PLD3: variants seen among roughly 807,000 people sequenced by gnomAD.
PLD3 encodes 5'-3' exonuclease PLD3.
Under a neutral mutation model 58.4 loss-of-function variants are expected in PLD3, and 31 were observed. The ratio of observed to expected loss-of-function variants is 0.53; its 90% CI spans 0.40 to 0.72. The LOEUF is 0.72. Ranked by LOEUF, PLD3 falls within the 30% of genes least tolerant of loss-of-function variation. The pLI is 0.00. For synonymous variants in PLD3, 264 were observed against 273.4 expected (o/e 0.97, Z 0.34); for missense variants, 595 against 659.8 (o/e 0.90, Z 1.08).
In PLD3 at chr19:40,349,101, C is replaced by T. The variant is rs559495346; in HGVS notation, c.-279+333C>T. 2.2e-3 allele frequency among the ~76,000 whole-genome samples: 329 copies of T among 152,172 alleles called. 1 individual carries two copies. The highest frequency in any genetic ancestry group is 3.9e-3 in the Non-Finnish European group (266 of 68,010). ...CCTCTTTGCCACCATAGGTCGTAAT[C>T]GCTCCCTTTAAATTCGTCATCGCCA... On this transcript the variant is annotated intron_variant, in intron 1 of 12. Transcript: ENST00000409735.
chr19:40,368,470 A>T (rs987634119), intron 6 of PLD3, among the ~76,000 whole-genome samples: 18 of 152,198 alleles, frequency 1.2e-4, no homozygotes, highest in African/African-American at 4.3e-4. Flanking sequence ...TTTGAAAAGG[A>T]ACAGCCTACA....
intron 6 of PLD3, 129 bp from the exon 7 acceptor site, chr19:40,369,779 T>C (rs921586448): frequency 1.3e-6 from 1 of 792,418 alleles, no homozygotes; most frequent in African/African-American, 1.7e-5. Flanking sequence ...GTAAAGTCTT[T>C]AATCTATGCA....
At chr19:40,366,978 A>G in intron 5 of PLD3, 63 bp downstream of exon 5, 1 of 1,519,400 alleles carries the variant, frequency 6.6e-7, no homozygotes. Flanking sequence ...ACTTAAGCAC[A>G]CACTAAACAG....
intron 7 of PLD3, 23 bp downstream of exon 7, chr19:40,370,051 C>G: frequency 4.5e-6 from 7 of 1,570,270 alleles, no homozygotes; most frequent in Non-Finnish European, 6.0e-6. Context: ...CCAACTGGGG[C>G]TGGTCTGGGC....
At chr19:40,372,710 A>G (rs922942183) in intron 9 of PLD3, among the ~76,000 whole-genome samples, 1 of 151,320 alleles carries the variant, frequency 6.6e-6, no homozygotes. Flanking sequence ...CCATTTCTAC[A>G]AAAACATAAT....
intron 9 of PLD3, 55 bp from the exon 10 acceptor site, chr19:40,374,426 C>T (rs569622473): frequency 4.6e-5 from 73 of 1,596,052 alleles, no homozygotes; most frequent in South Asian, 4.3e-4. Flanking sequence ...ATGTGGGGTC[C>T]GTTGTGACGA....
In PLD3 at chr19:40,371,427, T is replaced by C. The variant is rs2079064639; in HGVS notation, c.679-246T>C. The C allele has an allele frequency of 5.8e-6, 3 of 518,708 alleles. No individual in the cohort carries two copies. In the Admixed American group the frequency reaches 9.5e-5, roughly 16 times the overall value. 32.1% of individuals were successfully genotyped at this position (518,708 alleles called of 1,614,324 possible). ...ATGTCAGCCTAGACCTAAGAATGAGTAGAAGCTAGCTCAGTGGAGGGTAGA... is the reference window on the plus strand; with the variant it reads ...ATGTCAGCCTAGACCTAAGAATGAGCAGAAGCTAGCTCAGTGGAGGGTAGA... On this transcript the variant is annotated intron_variant, in intron 8 of 12. Coordinates refer to ENST00000409735, the MANE Select transcript of PLD3 (RefSeq NM_012268.4).
At chr19:40,367,955 GT>G in intron 6 of PLD3, 76 bp downstream of exon 6, 1 of 1,271,796 alleles carries the variant, frequency 7.9e-7, no homozygotes, top group Non-Finnish European at 1.1e-6. Context: ...GAATGAAGGG[GT>G]TTCTCCTGCA....
In PLD3 at chr19:40,357,166, G is replaced by T. The variant is rs569655302; in HGVS notation, c.-279+8398G>T. The T allele has an allele frequency of 2.0e-5, 3 of 152,320 alleles. No individual in the cohort carries two copies. The East Asian group carries it at 5.8e-4, about 29-fold the overall frequency. 9.4% of individuals were successfully genotyped at this position (152,320 alleles called of 1,614,324 possible). A position where few individuals can be genotyped will look rare whatever the true frequency, so the allele number is the denominator to read the frequency against. ...ACAATTGATGGTTTAGTCCAAAGAG[G>T]TCTGTACCATCTAGTGAAAATCAGC... On this transcript the variant is annotated intron_variant, in intron 1 of 12. Transcript: ENST00000409735.
At chr19:40,363,889 C>T (rs751949326) in intron 1 of PLD3, among the ~76,000 whole-genome samples, 1 of 152,124 alleles carries the variant, frequency 6.6e-6, no homozygotes, top group African/African-American at 2.4e-5. Flanking sequence ...AGGGGAGCAC[C>T]TAGCTCTGAG....
chr19:40,371,795 G>C lies in PLD3; in HGVS notation c.801G>C (p.Arg267=), dbSNP rs2079073830. The change falls in exon 9 of 13, where the codon CGG becomes CGC. Residue 267 remains arginine (R), a synonymous_variant. Coordinates refer to ENST00000409735, the MANE Select transcript of PLD3 (RefSeq NM_012268.4). ...GCTCCATCCCATCAACTTGGCCCCG[G>C]TTCTATGACACCCGCTACAACCAAG... ...AGSSIPSTWP[R]FYDTRYNQET... 6.2e-7 allele frequency: 1 copy of C among 1,613,996 alleles called. No individual in the cohort carries two copies. The highest frequency in any genetic ancestry group is 1.7e-5 in the Admixed American group (1 of 59,984).
intron 1 of PLD3, chr19:40,357,924 C>T (rs2078691461): frequency 6.6e-6 from 1 of 152,142 alleles, no homozygotes; most frequent in Non-Finnish European, 1.5e-5. Context: ...TATTAATCTC[C>T]ACATTGTTCA....
Position 40,367,775 on chromosome 19 carries a change from T to C in PLD3, c.325T>C (p.Trp109Arg). Residue 109 changes from tryptophan (W) to arginine (R), a missense_variant, in exon 6 of 13, where the codon TGG becomes CGG. Coordinates refer to ENST00000409735, the MANE Select transcript of PLD3 (RefSeq NM_012268.4). The part of the protein sequence containing the change: ...STGNPSTSQA[W>R]LGLLAGAHSS... ...GGGGAACCCTTCCACCAGCCAGGCC[T>C]GGCTGGGCCTGCTCGCCGGTGCGCA... 6.2e-7 allele frequency: 1 copy of C among 1,613,388 alleles called. No individual in the cohort carries two copies. The highest frequency in any genetic ancestry group is 8.5e-7 in the Non-Finnish European group (1 of 1,179,810).
intron 10 of PLD3, chr19:40,376,183 C>T (rs2079193902): frequency 6.3e-6 from 1 of 158,194 alleles, no homozygotes; most frequent in Non-Finnish European, 1.4e-5. Flanking sequence ...TGGAGAAACC[C>T]CGTCTCTACT....
At chr19:40,364,470 A>G (rs2078864298) in intron 1 of PLD3, among the ~76,000 whole-genome samples, 1 of 148,672 alleles carries the variant, frequency 6.7e-6, no homozygotes, top group African/African-American at 2.5e-5. Flanking sequence ...AATAAGCAAG[A>G]CCCCGTCTAT....
chr19:40,353,753 T>C (rs2078578656), intron 1 of PLD3, among the ~76,000 whole-genome samples: 1 of 151,826 alleles, frequency 6.6e-6, no homozygotes, highest in African/African-American at 2.4e-5. Flanking sequence ...TAATTTTTTG[T>C]ATTTTTAGTA....
At chr19:40,373,136 C>A (rs1456458792) in intron 9 of PLD3, among the ~76,000 whole-genome samples, 1 of 152,182 alleles carries the variant, frequency 6.6e-6, no homozygotes, top group Non-Finnish European at 1.5e-5. Flanking sequence ...CCAGAGTCAT[C>A]GTGGAAGGCA....
chr19:40,357,001 C>T (rs1167650014), intron 1 of PLD3: 1 of 152,138 alleles, frequency 6.6e-6, no homozygotes, highest in Non-Finnish European at 1.5e-5. Flanking sequence ...ACTGACTTCT[C>T]TCCCTAGGAG....
intron 5 of PLD3, 97 bp from the exon 6 acceptor site, chr19:40,367,599 A>G: frequency 9.9e-7 from 1 of 1,012,560 alleles, no homozygotes; most frequent in South Asian, 1.7e-5. Flanking sequence ...AAAAAAATAC[A>G]GTCTATCCAA....
Sources: gnomAD v4.1 joint callset for allele counts (sites outside exome capture counted in the v4.1 genomes callset) on GRCh38, gnomAD v4.1.1 for gene constraint, MANE v1.5 for transcripts, NCBI Gene and HGNC (gene_info 2026-07-23, HGNC 2026-07-21) for gene names.